The following PRRG1 variants were observed in gnomAD, a reference collection of about 807,000 sequenced individuals.
PRRG1 encodes transmembrane gamma-carboxyglutamic acid protein 1.
PRRG1 carries 5 observed loss-of-function variants against 11.8 expected under a neutral mutation model. The ratio of observed to expected loss-of-function variants is 0.42; its 90% confidence interval spans 0.22 to 0.89. The LOEUF (loss-of-function observed/expected upper bound fraction) is 0.89, where lower values mean the gene tolerates loss of function less well. Among genes scored for constraint, PRRG1 ranks in the 40% least tolerant of loss-of-function variants. PRRG1 has a pLI of 0.28. For synonymous variants in PRRG1, 66 were observed against 60.4 expected, an observed-to-expected ratio of 1.09 and a Z score of -0.43; for missense variants, 155 against 166.1, an observed-to-expected ratio of 0.93 and a Z score of 0.37.
intron 1 of PRRG1, among the ~76,000 whole-genome samples, chrX:37,400,924 A>G (rs1283246130): frequency 9.0e-6 from 1 of 111,459 alleles, no homozygotes; most frequent in African/African-American, 3.3e-5. Context: ...CCCTCCCAAG[A>G]CTAAACCAGG....
intron 3 of PRRG1, chrX:37,441,274 A>G (rs782293755): frequency 1.3e-6 from 1 of 761,282 alleles, no homozygotes; most frequent in Admixed American, 8.3e-5. Flanking sequence ...GTCCTTGGAC[A>G]TTAGAAATGT....
At chrX:37,427,629 C>T (rs1556388812) in intron 3 of PRRG1, among the ~76,000 whole-genome samples, 2 of 112,181 alleles carry the variant, frequency 1.8e-5, no homozygotes, top group Non-Finnish European at 1.9e-5. Flanking sequence ...TCTCCCCAAG[C>T]CCCTGGCAAC....
At chrX:37,397,866 A>ATTG (rs10672149) in intron 1 of PRRG1, among the ~76,000 whole-genome samples, 31,822 of 108,806 alleles carry the variant, frequency 0.29, 7,019 homozygotes, top group African/African-American at 0.77. Context: ...CTTTGTTGTT[A>ATTG]TTGTTTTTAA....
chrX:37,383,943 G>T (rs1931236263), intron 1 of PRRG1, among the ~76,000 whole-genome samples: 1 of 109,049 alleles, frequency 9.2e-6, no homozygotes, highest in African/African-American at 3.3e-5. Context: ...TCTGCTATCT[G>T]AAGAATCTTA....
intron 2 of PRRG1, among the ~76,000 whole-genome samples, chrX:37,411,593 G>T (rs1355764339): frequency 9.0e-6 from 1 of 111,664 alleles, no homozygotes; most frequent in Non-Finnish European, 1.9e-5. Context: ...CTTTCCATCT[G>T]AATTTTTTTC....
At chrX:37,406,644 A>G (rs1932197579) in intron 2 of PRRG1, among the ~76,000 whole-genome samples, 1 of 110,770 alleles carries the variant, frequency 9.0e-6, no homozygotes, top group African/African-American at 3.3e-5. Flanking sequence ...AAGAGAGTCT[A>G]CTATGCAGCC....
At chrX:37,427,424 C>T (rs1044004205) in intron 3 of PRRG1, among the ~76,000 whole-genome samples, 4 of 112,070 alleles carry the variant, frequency 3.6e-5, no homozygotes, top group Admixed American at 9.4e-5. Context: ...AGTTTCCTCT[C>T]ACCCCTTTAT....
At chrX:37,369,145 G>A (rs1005803651) in intron 1 of PRRG1, among the ~76,000 whole-genome samples, 3 of 112,047 alleles carry the variant, frequency 2.7e-5, no homozygotes, top group Admixed American at 9.5e-5. Flanking sequence ...TCATTTCTGA[G>A]TATCCCAATT....
chrX:37,386,948 A>G (rs1218310053), intron 1 of PRRG1, among the ~76,000 whole-genome samples: 2 of 112,123 alleles, frequency 1.8e-5, no homozygotes, highest in African/African-American at 6.5e-5. Flanking sequence ...TAAAGATACG[A>G]GTTGCCAGGA....
rs540743135 is a variant in PRRG1 at position 37,384,844 on chromosome X, G to A, written c.-41-21365G>A. On this transcript the variant is annotated intron_variant, in intron 1 of 3. Coordinates refer to ENST00000378628, the MANE Select transcript of PRRG1 (RefSeq NM_001142395.2). ...TATAGAATAATTGAAACTCTGCTGG[G>A]AGTGTAAATTGGTACAACCACATTG... Among the ~76,000 whole-genome samples the A allele has an allele frequency of 2.1e-4, 23 of 111,965 alleles. No individual in the cohort carries two copies. In the South Asian group the frequency reaches 5.3e-3, roughly 26 times the overall value.
chrX:37,443,472 G>C (rs782236956), intron 3 of PRRG1, among the ~76,000 whole-genome samples: 1 of 111,959 alleles, frequency 8.9e-6, no homozygotes, highest in Non-Finnish European at 1.9e-5. Flanking sequence ...GTGATTGGAT[G>C]AGCTCACCAG....
rs185934841 is a variant in PRRG1 at position 37,352,326 on chromosome X, C to A, written c.-42+2931C>A. On this transcript the variant is annotated intron_variant, in intron 1 of 3. Coordinates refer to ENST00000378628, the MANE Select transcript of PRRG1 (RefSeq NM_001142395.2). ...TCCCTTATTCATCTAAATGCAAAAG[C>A]ACTTTTTTTCATTTCACTTTTAAAA... 7.0e-3 allele frequency among the ~76,000 whole-genome samples: 781 copies of A among 112,174 alleles called. 33 individuals are homozygous for A. Among genetic ancestry groups the A allele is most frequent in the Admixed American group, 0.07 (736 of 10,586 alleles).
At chrX:37,383,341 A>T (rs924150782) in intron 1 of PRRG1, among the ~76,000 whole-genome samples, 10 of 109,945 alleles carry the variant, frequency 9.1e-5, no homozygotes, top group African/African-American at 3.5e-4. Flanking sequence ...TCTTTATTGA[A>T]CATGTAAATC....
At position 37,450,657 on chromosome X, in the gene PRRG1, A is replaced by C. The variant is rs183081571; in HGVS notation, c.172-2479A>C. Among the ~76,000 whole-genome samples, 6 of 112,325 alleles carry C rather than the reference A, an allele frequency of 5.3e-5. No individual in the cohort carries two copies. In the Admixed American group the frequency reaches 5.7e-4, roughly 11 times the overall value. ...AAGGTTAGCATCATGTAATTATTTA[A>C]ATCACATATATTTATTGGTATTTTT... is the stretch of plus-strand genomic sequence containing the variant. On this transcript the variant is annotated intron_variant, in intron 3 of 3. Coordinates refer to ENST00000378628, the MANE Select transcript of PRRG1 (RefSeq NM_001142395.2).
At chrX:37,432,887 A>G (rs782603341) in intron 3 of PRRG1, among the ~76,000 whole-genome samples, 11 of 111,649 alleles carry the variant, frequency 9.9e-5, no homozygotes, top group Admixed American at 1.9e-4. Context: ...CCAAATATCT[A>G]CACTTACTAC....
chrX:37,400,145 A>G (rs1273018234), intron 1 of PRRG1, among the ~76,000 whole-genome samples: 2 of 111,864 alleles, frequency 1.8e-5, no homozygotes, highest in Non-Finnish European at 3.8e-5. Context: ...ATAGACATCT[A>G]CAGAACTCTT....
intron 1 of PRRG1, among the ~76,000 whole-genome samples, chrX:37,389,473 T>C (rs1186791243): frequency 4.5e-5 from 5 of 111,439 alleles, no homozygotes; most frequent in Non-Finnish European, 9.4e-5. Context: ...GGCATCTGCT[T>C]GGCTTCTGGG....
At chrX:37,412,451 T>C (rs1259526993) in intron 2 of PRRG1, among the ~76,000 whole-genome samples, 1 of 100,181 alleles carries the variant, frequency 1.0e-5, no homozygotes, top group African/African-American at 4.4e-5. Flanking sequence ...TATAATGAAG[T>C]GCCTAATTTT....
chrX:37,385,783 C>T (rs956660145), intron 1 of PRRG1, among the ~76,000 whole-genome samples: 9 of 107,388 alleles, frequency 8.4e-5, no homozygotes, highest in East Asian at 2.9e-4. Context: ...GTTTTTCAGA[C>T]GGAGTCTCGC....
Sources: gnomAD v4.1 joint callset for allele counts (sites outside exome capture counted in the v4.1 genomes callset) on GRCh38, gnomAD v4.1.1 for gene constraint, MANE v1.5 for transcripts, NCBI Gene and HGNC (gene_info 2026-07-23, HGNC 2026-07-21) for gene names.